GALNT11: variants seen among roughly 807,000 people sequenced by gnomAD.
The protein encoded by GALNT11 is UDP-GalNAc:polypeptide N-acetylgalactosaminyltransferase 11.
In GALNT11, 47 loss-of-function variants were observed where a neutral mutation model predicts 72.7. The observed-to-expected ratio is 0.65, with a 90% CI of 0.51 to 0.82. The LOEUF (loss-of-function observed/expected upper bound fraction) is 0.82, where lower values mean the gene tolerates loss of function less well. GALNT11 is among the 40% of genes least tolerant of loss of function. The pLI is 0.00. For missense variants in GALNT11, 677 were observed against 778.4 expected, an observed-to-expected ratio of 0.87 and a Z score of 1.55; for synonymous variants, 270 against 286.6, an observed-to-expected ratio of 0.94 and a Z score of 0.58.
intron 1 of GALNT11, among the ~76,000 whole-genome samples, chr7:152,062,307 A>G (rs2084064491): frequency 6.6e-6 from 1 of 152,178 alleles, no homozygotes; most frequent in Non-Finnish European, 1.5e-5. Flanking sequence ...ATTTTTGCAC[A>G]TTGATTTTGT....
At chr7:152,120,610 C>T (rs2089335834) in intron 10 of GALNT11, 1 of 486,706 alleles carries the variant, frequency 2.1e-6, no homozygotes, top group East Asian at 3.9e-5. Flanking sequence ...GAACAAAATT[C>T]AGCCACTGCT....
chr7:152,101,822 T>C (rs2086940150), intron 3 of GALNT11, among the ~76,000 whole-genome samples: 2 of 151,954 alleles, frequency 1.3e-5, no homozygotes, highest in East Asian at 1.9e-4. Context: ...TTAGTAGAGA[T>C]AGGGTTTCAC....
At chr7:152,120,618 G>A (rs2089336126) in intron 10 of GALNT11, 2 of 512,802 alleles carry the variant, frequency 3.9e-6, no homozygotes, top group South Asian at 4.7e-5. Flanking sequence ...TTCAGCCACT[G>A]CTTAGGTTTC....
chr7:152,061,079 C>T lies in GALNT11; in HGVS notation c.-38-33111C>T, dbSNP rs1247257477. Among the ~76,000 whole-genome samples the T allele has an allele frequency of 6.0e-4, 91 of 152,290 alleles. 1 individual carries two copies. Among genetic ancestry groups the T allele is most frequent in the African/African-American group, 2.0e-3 (82 of 41,552 alleles). On this transcript the variant is annotated intron_variant, in intron 1 of 11. Transcript: ENST00000430044. ...CTTCCACAATGGTTGAACTAGTTTA[C>T]AGTCCCACCAACAGTGTAAAAGTGT...
intron 1 of GALNT11, among the ~76,000 whole-genome samples, chr7:152,072,107 G>A (rs929046739): frequency 6.6e-6 from 1 of 151,614 alleles, no homozygotes; most frequent in African/African-American, 2.4e-5. Flanking sequence ...ATCACTTGAG[G>A]TCAGGAGTTT....
At chr7:152,088,501 A>G (rs1235392974) in intron 1 of GALNT11, among the ~76,000 whole-genome samples, 1 of 150,224 alleles carries the variant, frequency 6.7e-6, no homozygotes, top group African/African-American at 2.5e-5. Flanking sequence ...TTTTAAAAAC[A>G]TGGTTGGTTT....
intron 1 of GALNT11, among the ~76,000 whole-genome samples, chr7:152,050,438 G>A (rs1287195048): frequency 1.3e-5 from 2 of 152,208 alleles, no homozygotes. Context: ...GTCTGGAATG[G>A]GAGCTTCAGG....
intron 1 of GALNT11, among the ~76,000 whole-genome samples, chr7:152,062,643 A>G (rs1391563635): frequency 6.6e-6 from 1 of 152,208 alleles, no homozygotes; most frequent in African/African-American, 2.4e-5. Flanking sequence ...ACATCCCATC[A>G]ATACCTAATT....
intron 6 of GALNT11, 151 bp from the exon 7 acceptor site, chr7:152,110,377 G>T: frequency 1.5e-6 from 1 of 672,106 alleles, no homozygotes; most frequent in Non-Finnish European, 2.6e-6. Flanking sequence ...GTATGGCCTG[G>T]CTCATTCTCT....
At chr7:152,032,247 A>G (rs2151984100) in intron 1 of GALNT11, among the ~76,000 whole-genome samples, 1 of 152,172 alleles carries the variant, frequency 6.6e-6, no homozygotes, top group East Asian at 1.9e-4. Flanking sequence ...CTATCCCTAA[A>G]CCCTTGGGGC....
At chr7:152,039,788 C>A (rs555976454) in intron 1 of GALNT11, among the ~76,000 whole-genome samples, 1 of 152,268 alleles carries the variant, frequency 6.6e-6, no homozygotes, top group East Asian at 1.9e-4. Flanking sequence ...ACCTCTACCC[C>A]AAGTTATTAT....
At chr7:152,118,368 G>A in intron 9 of GALNT11, 1 of 290,584 alleles carries the variant, frequency 3.4e-6, no homozygotes, top group East Asian at 1.1e-4. Context: ...AGGTTCTTTA[G>A]GGCAGGGATG....
chr7:152,118,655 C>CT (rs768463912), intron 9 of GALNT11, 23 bp from the exon 10 acceptor site: 2 of 1,600,558 alleles, frequency 1.2e-6, no homozygotes, highest in Admixed American at 3.5e-5. Flanking sequence ...TTCCCACATT[C>CT]TGAGCTGTGC....
Position 152,094,463 on chromosome 7 carries a change from T to C in GALNT11, c.236T>C (p.Val79Ala), listed in dbSNP as rs1191379945. The change falls in exon 2 of 12, where the codon GTG (valine) becomes GCG (alanine). Residue 79 changes from valine to alanine, a missense_variant. Coordinates refer to ENST00000430044, the MANE Select transcript of GALNT11 (RefSeq NM_022087.4). The surrounding 1 kb of genome is among the most constrained non-coding windows in gnomAD (Gnocchi z 4.3). Reference protein sequence around the residue: ...PQFKANKIDDVIDSRVEDPEE... With the variant: ...PQFKANKIDDAIDSRVEDPEE... ...TTCAAAGCAAACAAAATTGACGATG[T>C]GATAGACAGTCGTGTTGAAGATCCA... is the stretch of plus-strand genomic sequence containing the variant. The C allele has an allele frequency of 6.2e-7, 1 of 1,614,114 alleles. No homozygotes were observed. The highest frequency in any genetic ancestry group is 1.1e-5 in the South Asian group (1 of 91,070).
At chr7:152,064,427 G>T (rs984278703) in intron 1 of GALNT11, among the ~76,000 whole-genome samples, 26 of 152,234 alleles carry the variant, frequency 1.7e-4, no homozygotes, top group African/African-American at 5.8e-4. Flanking sequence ...AATCTGTGTT[G>T]TTTAATTGGA....
At chr7:152,076,057 GTCTCAAAAAAAAAAAAAAAAAA>G (rs2084947984) in intron 1 of GALNT11, among the ~76,000 whole-genome samples, 1 of 61,944 alleles carries the variant, frequency 1.6e-5, no homozygotes, top group South Asian at 8.3e-4. Context: ...GCGAGACTCC[GTCTCAAAAAAAAAAAAAAAAAA>G]AAAAAAAAAA....
chr7:152,028,875 A>C (rs553186024), intron 1 of GALNT11, among the ~76,000 whole-genome samples: 2 of 152,144 alleles, frequency 1.3e-5, no homozygotes, highest in Non-Finnish European at 2.9e-5. Context: ...GCTCATTTGG[A>C]GTTCCATTTG....
At chr7:152,077,753 C>G (rs576676729) in intron 1 of GALNT11, among the ~76,000 whole-genome samples, 52 of 152,132 alleles carry the variant, frequency 3.4e-4, no homozygotes, top group African/African-American at 1.3e-3. Context: ...CACCATACCA[C>G]CAAGTCAGTG....
At chr7:152,113,544 A>G (rs1313805195) in intron 8 of GALNT11, 146 bp downstream of exon 8, 2 of 793,414 alleles carry the variant, frequency 2.5e-6, no homozygotes, top group African/African-American at 3.6e-5. Flanking sequence ...GTTTCCCCCC[A>G]CCCCCTTCAC....
Sources: allele counts gnomAD v4.1 joint callset (sites outside exome capture counted in the v4.1 genomes callset), GRCh38; gene constraint gnomAD v4.1.1; non-coding constraint Gnocchi (gnomAD v3.1); transcripts MANE v1.5; gene names NCBI Gene and HGNC (gene_info 2026-07-23, HGNC 2026-07-21).